Variants in BCAS3 observed in about 807,000 individuals in gnomAD.
BCAS3 encodes the protein BCAS4/BCAS3 fusion.
Under a neutral mutation model 116.1 loss-of-function variants are expected in BCAS3, and 53 were observed. The observed-to-expected ratio is 0.46, with a 90% CI of 0.37 to 0.57. The LOEUF is 0.57. Ranked by LOEUF, BCAS3 falls within the 20% of genes least tolerant of loss-of-function variation. BCAS3 has a pLI of 0.00. For missense variants in BCAS3, 917 were observed against 1,165.4 expected (o/e 0.79, Z 3.10); for synonymous variants, 391 against 408.2 (o/e 0.96, Z 0.51).
rs1326490703 is a variant in BCAS3, at chr17:61,144,354, T to A, written c.2425+59790T>A. 6.6e-6 allele frequency among the ~76,000 whole-genome samples: 1 copy of A among 152,206 alleles called. No individual in the cohort carries two copies. Among genetic ancestry groups the A allele is most frequent in the Non-Finnish European group, 1.5e-5 (1 of 68,036 alleles). The stretch of plus-strand genomic sequence containing the variant: ...GTGTATGTCTAGATACTATGACAGA[T>A]CCAGTGCCTGTGAAGACCTGGAACA... On this transcript the variant is annotated intron_variant, in intron 22 of 23. Transcript: ENST00000407086. This position sits in a 1 kb window ranked among gnomAD's most constrained non-coding sequence, Gnocchi z 5.0.
chr17:61,268,369 A>T (rs2049940348), intron 22 of BCAS3, among the ~76,000 whole-genome samples: 1 of 151,728 alleles, frequency 6.6e-6, no homozygotes, highest in Non-Finnish European at 1.5e-5. Context: ...CAATTTTTTC[A>T]TTTTCTTTTG....
chr17:61,175,775 C>T (rs543560259), intron 22 of BCAS3, among the ~76,000 whole-genome samples: 3 of 152,092 alleles, frequency 2.0e-5, no homozygotes, highest in East Asian at 3.9e-4. Context: ...GGACTTGTAT[C>T]CAGAATATAT....
At chr17:61,175,194 G>A (rs941641217) in intron 22 of BCAS3, among the ~76,000 whole-genome samples, 2 of 152,090 alleles carry the variant, frequency 1.3e-5, no homozygotes, top group African/African-American at 2.4e-5. Flanking sequence ...ATTACTTGTT[G>A]GCAGGAGTTC....
chr17:61,237,068 A>G (rs1371821029), intron 22 of BCAS3, among the ~76,000 whole-genome samples: 1 of 152,208 alleles, frequency 6.6e-6, no homozygotes, highest in Non-Finnish European at 1.5e-5. Context: ...AAATAATAAT[A>G]AGTTAACATG....
intron 5 of BCAS3, among the ~76,000 whole-genome samples, chr17:60,710,678 G>A (rs2643105): frequency 0.2 from 29,683 of 151,724 alleles, 3,524 homozygotes; most frequent in Non-Finnish European, 0.26. Flanking sequence ...TGATCCGCCC[G>A]CCTTGGCCTC....
intron 23 of BCAS3, among the ~76,000 whole-genome samples, chr17:61,373,808 G>GTTTT (rs1169897447): frequency 3.0e-5 from 3 of 101,240 alleles, no homozygotes; most frequent in South Asian, 3.3e-4. Flanking sequence ...CTTCTTCTTT[G>GTTTT]TTTTTTTTTT....
Position 61,029,293 on chromosome 17 carries a change from A to G in BCAS3, c.1638-5373A>G, listed in dbSNP as rs2066467049. ...TAAACAGGTTTAGTCCTTTACATTC[A>G]TATACTTTCAGATGAGTCGTTATAA... On this transcript the variant is annotated intron_variant, in intron 16 of 23. Transcript: ENST00000407086. The surrounding 1 kb of genome is among the most constrained non-coding windows in gnomAD (Gnocchi z 5.2). Among the ~76,000 whole-genome samples the G allele has an allele frequency of 6.6e-6, 1 of 151,954 alleles. No individual in the cohort carries two copies. Among genetic ancestry groups the G allele is most frequent in the African/African-American group, 2.4e-5 (1 of 41,430 alleles).
chr17:61,304,633 T>G (rs1192088241), intron 22 of BCAS3, among the ~76,000 whole-genome samples: 1 of 151,996 alleles, frequency 6.6e-6, no homozygotes, highest in African/African-American at 2.4e-5. Context: ...TCCTTTGGAC[T>G]TTCATAGAGC....
chr17:61,035,897 G>A (rs1028628942), intron 17 of BCAS3, among the ~76,000 whole-genome samples: 3 of 152,108 alleles, frequency 2.0e-5, no homozygotes, highest in Non-Finnish European at 4.4e-5. Flanking sequence ...ATTTTACCAC[G>A]CTATTCAGTC....
At chr17:60,775,131 G>T (rs942771097) in intron 6 of BCAS3, among the ~76,000 whole-genome samples, 1 of 152,062 alleles carries the variant, frequency 6.6e-6, no homozygotes, top group African/African-American at 2.4e-5. Context: ...ATGTATCTTT[G>T]GAGAAGTTAA....
intron 11 of BCAS3, among the ~76,000 whole-genome samples, chr17:60,907,942 T>C (rs2058273364): frequency 6.6e-6 from 1 of 152,220 alleles, no homozygotes; most frequent in Non-Finnish European, 1.5e-5. Context: ...TGCTTGATGC[T>C]AACATGGAAA....
At chr17:60,680,203 T>A (rs2032818403) in intron 2 of BCAS3, among the ~76,000 whole-genome samples, 1 of 148,042 alleles carries the variant, frequency 6.8e-6, no homozygotes. Flanking sequence ...TAGCTGAGAG[T>A]TTGTATTGTT....
intron 16 of BCAS3, among the ~76,000 whole-genome samples, chr17:61,018,491 AG>A (rs1193397039): frequency 4.0e-5 from 6 of 151,738 alleles, no homozygotes; most frequent in African/African-American, 1.2e-4. Flanking sequence ...TAGTACAGAC[AG>A]GGTTTCGCCA....
At chr17:61,288,154 C>T (rs139205552) in intron 22 of BCAS3, among the ~76,000 whole-genome samples, 28 of 152,316 alleles carry the variant, frequency 1.8e-4, no homozygotes, top group Non-Finnish European at 3.5e-4. Context: ...TTAACCACTC[C>T]ATTAAATGAG....
chr17:60,791,907 G>A (rs1431366892), intron 6 of BCAS3, among the ~76,000 whole-genome samples: 5 of 152,036 alleles, frequency 3.3e-5, no homozygotes, highest in Non-Finnish European at 7.4e-5. Context: ...GGCAGATCAC[G>A]AGGTTAGGAG....
In BCAS3 at chr17:61,161,232, C is replaced by T. The variant is rs1476425734; in HGVS notation, c.2425+76668C>T. 6.6e-6 allele frequency among the ~76,000 whole-genome samples: 1 copy of T among 152,136 alleles called. No individual in the cohort carries two copies. Among genetic ancestry groups the T allele is most frequent in the East Asian group, 1.9e-4 (1 of 5,204 alleles). ...GTTGCAATCTGAGAGTAATATGAAA[C>T]ATTTTGGTTTGGCTGCCAAGTACAT... On this transcript the variant is annotated intron_variant, in intron 22 of 23. Coordinates refer to ENST00000407086, the MANE Select transcript of BCAS3 (RefSeq NM_017679.5). This position sits in a 1 kb window ranked among gnomAD's most constrained non-coding sequence, Gnocchi z 4.8.
At chr17:61,331,834 G>A (rs749455046) in intron 22 of BCAS3, among the ~76,000 whole-genome samples, 18 of 152,240 alleles carry the variant, frequency 1.2e-4, no homozygotes, top group Non-Finnish European at 1.6e-4. Context: ...CGTGGCAGGT[G>A]TGATTGTTGG....
rs796745787 is a variant in BCAS3 at position 61,309,724 on chromosome 17, C to T, written c.2426-58603C>T. Among the ~76,000 whole-genome samples the T allele has an allele frequency of 2.0e-5, 3 of 152,150 alleles. No individual in the cohort carries two copies. The highest frequency in any genetic ancestry group is 7.2e-5 in the African/African-American group (3 of 41,496). On this transcript the variant is annotated intron_variant, in intron 22 of 23. Coordinates refer to ENST00000407086, the MANE Select transcript of BCAS3 (RefSeq NM_017679.5). The surrounding 1 kb of genome is among the most constrained non-coding windows in gnomAD (Gnocchi z 4.6). The stretch of plus-strand genomic sequence containing the variant: ...AGATGACCCAGGGTCTTTGGGATTG[C>T]GGAACAGCTGCTGTGGAAAAGTAGT...
intron 7 of BCAS3, among the ~76,000 whole-genome samples, chr17:60,814,305 G>T (rs562616258): frequency 7.5e-6 from 1 of 133,134 alleles, no homozygotes; most frequent in Admixed American, 7.1e-5. Context: ...GTGTGTGTGT[G>T]TGCGCGCGTG....
Sources: allele counts gnomAD v4.1 joint callset (sites outside exome capture counted in the v4.1 genomes callset), GRCh38; gene constraint gnomAD v4.1.1; non-coding constraint Gnocchi (gnomAD v3.1); transcripts MANE v1.5; gene names NCBI Gene and HGNC (gene_info 2026-07-23, HGNC 2026-07-21).